Variants in SEZ6L observed in about 807,000 individuals in gnomAD.
SEZ6L encodes the protein seizure 6-like protein.
In SEZ6L, 37 loss-of-function variants were observed where a neutral mutation model predicts 106.2. The ratio of observed to expected loss-of-function variants is 0.35; its 90% confidence interval spans 0.27 to 0.46. The LOEUF (loss-of-function observed/expected upper bound fraction) is 0.46, where lower values mean the gene tolerates loss of function less well. Ranked by LOEUF, SEZ6L falls within the 20% of genes least tolerant of loss-of-function variation. SEZ6L has a pLI of 1.00. For synonymous variants in SEZ6L, 541 were observed against 570.4 expected, an observed-to-expected ratio of 0.95 and a Z score of 0.73; for missense variants, 1,172 against 1,332.8, an observed-to-expected ratio of 0.88 and a Z score of 1.88.
chr22:26,379,570 A>T (rs561675420), intron 16 of SEZ6L, among the ~76,000 whole-genome samples: 1 of 152,250 alleles, frequency 6.6e-6, no homozygotes, highest in African/African-American at 2.4e-5. Context: ...GCCTTCTTCT[A>T]TCTCCTTGCT....
chr22:26,220,289 G>A (rs2041921400), intron 1 of SEZ6L, among the ~76,000 whole-genome samples: 1 of 152,184 alleles, frequency 6.6e-6, no homozygotes, highest in South Asian at 2.1e-4. Flanking sequence ...CTACATCAAT[G>A]AACAAGACTG....
chr22:26,299,111 G>A lies in SEZ6L; in HGVS notation c.1290G>A (p.Met430Ile), dbSNP rs663048. 1.9e-6 allele frequency: 3 copies of A among 1,601,826 alleles called. No homozygotes were observed. The change falls in exon 5 of 17, where the codon ATG (methionine) becomes ATA (isoleucine). Residue 430 changes from methionine (M) to isoleucine (I), a missense_variant. This residue lies in a region of SEZ6L where 534 missense variants were observed against 691.0 expected (regional missense o/e 0.77). Transcript: ENST00000248933. ...GCTATGAGCTCCAGGGCGCTAAGAT[G>A]CTGACATGCATCAATGCCTCCAAGC... Reference protein sequence around the residue: ...HLGYELQGAKMLTCINASKPH... With the variant: ...HLGYELQGAKILTCINASKPH...
intron 5 of SEZ6L, among the ~76,000 whole-genome samples, chr22:26,304,396 GA>G (rs756945487): frequency 7.0e-6 from 1 of 143,124 alleles, no homozygotes; most frequent in African/African-American, 2.6e-5. Context: ...AAGAAAGAAA[GA>G]AAGAAAGAAA....
At chr22:26,379,886 C>T (rs1442243675) in intron 16 of SEZ6L, among the ~76,000 whole-genome samples, 2 of 152,230 alleles carry the variant, frequency 1.3e-5, no homozygotes, top group East Asian at 3.8e-4. Context: ...ATTTGCTCAT[C>T]AGTCTGTGGG....
At chr22:26,257,547 C>G (rs183096403) in intron 1 of SEZ6L, among the ~76,000 whole-genome samples, 1 of 152,306 alleles carries the variant, frequency 6.6e-6, no homozygotes, top group Admixed American at 6.5e-5. Context: ...TTCCTGCCCT[C>G]AGGGAGCTCC....
In SEZ6L at chr22:26,340,291, C is replaced by T. The variant is rs915861714; in HGVS notation, c.2016-145C>T. On this transcript the variant is annotated intron_variant, in intron 9 of 16. Coordinates refer to ENST00000248933, the MANE Select transcript of SEZ6L (RefSeq NM_021115.5). The stretch of plus-strand genomic sequence containing the variant: ...CATTTGCAGTCTATGTCAATCTTAC[C>T]CTCAGCTTGGGGTTAAGACACATAG... 5.7e-6 allele frequency: 4 copies of T among 698,238 alleles called. No individual in the cohort carries two copies. In the African/African-American group the frequency reaches 7.2e-5, roughly 13 times the overall value. 43.3% of individuals were successfully genotyped at this position (698,238 alleles called of 1,614,324 possible). A position where few individuals can be genotyped will look rare whatever the true frequency, so the allele number is the denominator to read the frequency against.
At chr22:26,290,395 G>C (rs757303889) in intron 1 of SEZ6L, among the ~76,000 whole-genome samples, 84 of 152,292 alleles carry the variant, frequency 5.5e-4, no homozygotes, top group Non-Finnish European at 9.1e-4. Flanking sequence ...AGCTGGGCAT[G>C]GTGGCACGCA....
intron 1 of SEZ6L, among the ~76,000 whole-genome samples, chr22:26,213,399 A>T (rs913044718): frequency 6.6e-6 from 1 of 152,156 alleles, no homozygotes; most frequent in Non-Finnish European, 1.5e-5. Flanking sequence ...GGAAATACTG[A>T]TGTGTTCAGT....
At chr22:26,214,804 G>A (rs1355595855) in intron 1 of SEZ6L, among the ~76,000 whole-genome samples, 1 of 152,120 alleles carries the variant, frequency 6.6e-6, no homozygotes, top group Non-Finnish European at 1.5e-5. Context: ...TTATGACTTG[G>A]GGAATAGACA....
intron 9 of SEZ6L, among the ~76,000 whole-genome samples, chr22:26,333,145 T>A (rs1482655694): frequency 6.6e-6 from 1 of 152,212 alleles, no homozygotes; most frequent in Non-Finnish European, 1.5e-5. Flanking sequence ...CTAAATGGCA[T>A]GTCCACAAAT....
At chr22:26,287,496 GA>G (rs938595729) in intron 1 of SEZ6L, among the ~76,000 whole-genome samples, 6 of 151,736 alleles carry the variant, frequency 4.0e-5, no homozygotes, top group African/African-American at 1.2e-4. Context: ...TAAATGTTCT[GA>G]AAAAAAATGA....
At chr22:26,271,501 T>A (rs1248036012) in intron 1 of SEZ6L, among the ~76,000 whole-genome samples, 1 of 152,152 alleles carries the variant, frequency 6.6e-6, no homozygotes, top group East Asian at 1.9e-4. Flanking sequence ...TGGTGGCAGG[T>A]GTTGGATCAT....
rs1157921696 is a variant in SEZ6L at position 26,382,162 on chromosome 22, G to C, written c.*1867G>C. The C allele has an allele frequency of 2.3e-6, 1 of 432,738 alleles. No individual in the cohort carries two copies. Among genetic ancestry groups the C allele is most frequent in the East Asian group, 5.9e-5 (1 of 16,936 alleles). The allele number at this position is 432,738 out of a possible 1,614,324, so 26.8% of individuals were successfully genotyped here. A position where few individuals can be genotyped will look rare whatever the true frequency, so the allele number is the denominator to read the frequency against. ...AGAAATAGCTAAAGGCTGCTTTCCA[G>C]GACCCAAAGCCCCATTTAATGCAAG... On this transcript the variant is annotated 3_prime_UTR_variant, in exon 17 of 17. Transcript: ENST00000248933.
intron 1 of SEZ6L, among the ~76,000 whole-genome samples, chr22:26,229,760 A>G (rs1467452398): frequency 6.6e-6 from 1 of 152,236 alleles, no homozygotes; most frequent in Non-Finnish European, 1.5e-5. Flanking sequence ...AGTTCCCCAG[A>G]TGATTCAAAT....
At chr22:26,237,137 T>C (rs2078979971) in intron 1 of SEZ6L, among the ~76,000 whole-genome samples, 1 of 152,204 alleles carries the variant, frequency 6.6e-6, no homozygotes, top group Non-Finnish European at 1.5e-5. Context: ...TTCCCCTCCC[T>C]GAGCCTCAGT....
At chr22:26,216,764 C>G (rs1216707583) in intron 1 of SEZ6L, among the ~76,000 whole-genome samples, 4 of 152,144 alleles carry the variant, frequency 2.6e-5, no homozygotes, top group Non-Finnish European at 5.9e-5. Context: ...TTATCATCAT[C>G]AAAATGGCCA....
chr22:26,374,562 C>T (rs1348479967), intron 14 of SEZ6L, among the ~76,000 whole-genome samples: 8 of 152,202 alleles, frequency 5.3e-5, no homozygotes, highest in Non-Finnish European at 1.0e-4. Flanking sequence ...ATGAGAACGT[C>T]TCAAAGGGCT....
In SEZ6L at chr22:26,244,488, A is replaced by G. The variant is rs895685287; in HGVS notation, c.95-47918A>G. Reference sequence around the variant, plus strand: ...CTCTCTGCACACACAGCTCAGCCACAGGGAACTCTAGAACAGAGAGATATT... The same window carrying G: ...CTCTCTGCACACACAGCTCAGCCACGGGGAACTCTAGAACAGAGAGATATT... On this transcript the variant is annotated intron_variant, in intron 1 of 16. Transcript: ENST00000248933. 2.6e-5 allele frequency: 4 copies of G among 152,266 alleles called. No homozygotes were observed. The East Asian group carries it at 7.7e-4, about 29-fold the overall frequency. The allele number at this position is 152,266 out of a possible 1,614,324, so 9.4% of individuals were successfully genotyped here.
intron 1 of SEZ6L, among the ~76,000 whole-genome samples, chr22:26,287,047 C>T (rs939344332): frequency 1.4e-5 from 2 of 145,668 alleles, no homozygotes; most frequent in Non-Finnish European, 1.5e-5. Flanking sequence ...CATGCCCGGT[C>T]GAGCTTGTGC....
Sources: gnomAD v4.1 joint callset for allele counts (sites outside exome capture counted in the v4.1 genomes callset) on GRCh38, gnomAD v4.1.1 for gene constraint, gnomAD v4.1.1 regional missense constraint, MANE v1.5 for transcripts, NCBI Gene and HGNC (gene_info 2026-07-23, HGNC 2026-07-21) for gene names.